NEK5: variants seen among roughly 807,000 people sequenced by gnomAD.
The protein encoded by NEK5 is serine/threonine-protein kinase Nek5.
In NEK5, 88 loss-of-function variants were observed where a neutral mutation model predicts 109.2. The ratio of observed to expected loss-of-function variants is 0.81; its 90% CI spans 0.68 to 0.96. The LOEUF (loss-of-function observed/expected upper bound fraction) is 0.96. NEK5 is among the 40% of genes least tolerant of loss of function. The probability of loss-of-function intolerance (pLI) is 0.00; values close to 1 mark genes in which losing one functional copy is unlikely to be tolerated. For synonymous variants in NEK5, 283 were observed against 299.9 expected (o/e 0.94, Z 0.58); for missense variants, 834 against 920.7 (o/e 0.91, Z 1.22).
At chr13:52,044,212 C>A (rs192906234) in intron 23 of NEK5, among the ~76,000 whole-genome samples, 2 of 152,334 alleles carry the variant, frequency 1.3e-5, no homozygotes, top group Admixed American at 1.3e-4. Context: ...GCTCTCCTCT[C>A]TCCTCAGCCT....
At chr13:52,074,226 C>T (rs959745669) in intron 19 of NEK5, among the ~76,000 whole-genome samples, 3 of 152,142 alleles carry the variant, frequency 2.0e-5, no homozygotes, top group Non-Finnish European at 4.4e-5. Flanking sequence ...TACCCAACTT[C>T]AAACTATACC....
Position 52,076,115 on chromosome 13 carries a change from C to T in NEK5, c.1601G>A (p.Arg534Lys), listed in dbSNP as rs1954864786. 6.3e-7 allele frequency: 1 copy of T among 1,597,962 alleles called. No homozygotes were observed. Among genetic ancestry groups the T allele is most frequent in the Non-Finnish European group, 8.5e-7 (1 of 1,169,622 alleles). The part of the protein sequence containing the change: ...QDIEKDLKQM[R>K]LQNTKESKNP... ...TTTACTTTCCTTTGTGTTCTGAAGC[C>T]TCATTTGTTTCAAGTCTTTTTCAAT... The change falls in exon 18 of 24, where the codon AGG (arginine) becomes AAG (lysine). Residue 534 changes from arginine to lysine, a missense_variant. Arg to Lys is a conservative substitution (Grantham distance 26). Coordinates refer to ENST00000684899, the MANE Select transcript of NEK5 (RefSeq NM_001365552.1).
chr13:52,090,943 G>A (rs1415761017), intron 13 of NEK5, among the ~76,000 whole-genome samples: 2 of 151,970 alleles, frequency 1.3e-5, no homozygotes, highest in Non-Finnish European at 2.9e-5. Flanking sequence ...GGAGAATGGT[G>A]TGAACCCAGG....
At chr13:52,118,967 C>T (rs73500160) in intron 4 of NEK5, among the ~76,000 whole-genome samples, 14,895 of 152,194 alleles carry the variant, frequency 0.098, 704 homozygotes, top group Admixed American at 0.12. Flanking sequence ...CTCAAGACCC[C>T]AGCCCACCAC....
rs745884177 is a variant in NEK5 at position 52,086,285 on chromosome 13, C to A, written c.1471G>T (p.Glu491Ter). ...MKEIRKKMGREPEENSKISHK... is the reference protein window; with the variant it reads ...MKEIRKKMGR ...TAGAAGAATGAATTTACCTCTGGTT[C>A]TCTCCCCATCTTCTTTCTAATTTCT... The change falls in exon 16 of 24, where the codon GAA (glutamate) becomes TAA (stop). Residue 491 changes from glutamate to a stop codon, truncating the protein, a stop_gained. Transcript: ENST00000684899. LOFTEE classifies it high-confidence loss of function. 1 of 1,595,050 alleles carries A rather than the reference C, an allele frequency of 6.3e-7. No individual in the cohort carries two copies. Among genetic ancestry groups the A allele is most frequent in the African/African-American group, 1.3e-5 (1 of 74,514 alleles).
intron 23 of NEK5, among the ~76,000 whole-genome samples, chr13:52,049,090 C>T (rs549705514): frequency 6.6e-6 from 1 of 151,950 alleles, no homozygotes; most frequent in African/African-American, 2.4e-5. Flanking sequence ...TGTTGTATAC[C>T]GTAAGTATAT....
intron 23 of NEK5, among the ~76,000 whole-genome samples, chr13:52,038,825 G>GAAAAAAAAA (rs1183060212): frequency 2.1e-5 from 2 of 94,566 alleles, no homozygotes; most frequent in Non-Finnish European, 4.0e-5. Context: ...ACACTCATCT[G>GAAAAAAAAA]AAAAAAAAAA....
intron 3 of NEK5, among the ~76,000 whole-genome samples, chr13:52,126,605 C>G (rs1956067432): frequency 6.6e-6 from 1 of 152,094 alleles, no homozygotes; most frequent in African/African-American, 2.4e-5. Context: ...TGGTGAAACT[C>G]CATCTCTACT....
Position 52,076,103 on chromosome 13 carries a change from G to A in NEK5, c.1613C>T (p.Thr538Ile). The A allele has an allele frequency of 6.3e-7, 1 of 1,599,652 alleles. No individual in the cohort carries two copies. The highest frequency in any genetic ancestry group is 8.5e-7 in the Non-Finnish European group (1 of 1,171,210). ...CTGTTCTGGATTTTTACTTTCCTTTGTGTTCTGAAGCCTCATTTGTTTCAA... is the reference window on the plus strand; with the variant it reads ...CTGTTCTGGATTTTTACTTTCCTTTATGTTCTGAAGCCTCATTTGTTTCAA... The part of the protein sequence containing the change: ...KDLKQMRLQN[T>I]KESKNPEQKY... The change falls in exon 18 of 24, where the codon ACA becomes ATA. Residue 538 changes from threonine to isoleucine, a missense_variant. Thr to Ile is a moderately conservative substitution (Grantham distance 89). Transcript: ENST00000684899.
intron 12 of NEK5, among the ~76,000 whole-genome samples, chr13:52,094,066 A>G (rs916958303): frequency 6.6e-6 from 1 of 152,234 alleles, no homozygotes; most frequent in African/African-American, 2.4e-5. Flanking sequence ...AAGGTCATAT[A>G]ACAGCCATGA....
chr13:52,080,315 G>A (rs1215048706), intron 17 of NEK5, among the ~76,000 whole-genome samples: 1 of 150,270 alleles, frequency 6.7e-6, no homozygotes, highest in Non-Finnish European at 1.5e-5. Context: ...CGGGAGGTGA[G>A]GGGCGCCTCT....
At chr13:52,063,965 G>A (rs1400587898) in intron 21 of NEK5, among the ~76,000 whole-genome samples, 14 of 143,582 alleles carry the variant, frequency 9.8e-5, no homozygotes, top group South Asian at 2.3e-4. Context: ...TCAGCCCCCC[G>A]CCCAGCCAGC....
Position 52,106,194 on chromosome 13 carries a change from T to C in NEK5, c.555-1642A>G, listed in dbSNP as rs1267263976. ...GGGGATGTCTCAAAAAAAAAAAAAA[T>C]CCCTGTTATTTTATTATGCAGAGAA... is the stretch of plus-strand genomic sequence containing the variant. On this transcript the variant is annotated intron_variant, in intron 8 of 23. Transcript: ENST00000684899. Among the ~76,000 whole-genome samples, 3 of 149,350 alleles carry C rather than the reference T, an allele frequency of 2.0e-5. No individual in the cohort carries two copies. In the Admixed American group the frequency reaches 2.0e-4, roughly 10 times the overall value.
chr13:52,101,782 C>G (rs1955537641), intron 11 of NEK5, 151 bp downstream of exon 11: 1 of 662,312 alleles, frequency 1.5e-6, no homozygotes, highest in South Asian at 1.8e-5. Context: ...TCACTAGTTG[C>G]CATTTGACAA....
chr13:52,088,045 A>T (rs888295915), intron 14 of NEK5, among the ~76,000 whole-genome samples: 1 of 151,490 alleles, frequency 6.6e-6, no homozygotes, highest in African/African-American at 2.4e-5. Flanking sequence ...CTCCGGCCTC[A>T]GCCCCCTCAG....
intron 22 of NEK5, among the ~76,000 whole-genome samples, chr13:52,054,309 T>G (rs1249551716): frequency 6.6e-6 from 1 of 152,170 alleles, no homozygotes; most frequent in Non-Finnish European, 1.5e-5. Flanking sequence ...ATAAATGTAA[T>G]GAAATAAGAG....
chr13:52,075,493 G>T (rs973456880), intron 19 of NEK5, among the ~76,000 whole-genome samples: 1 of 152,114 alleles, frequency 6.6e-6, no homozygotes, highest in Non-Finnish European at 1.5e-5. Context: ...TACTACAGTG[G>T]GGGTAAGAAA....
At chr13:52,114,333 G>A (rs2138082762) in intron 4 of NEK5, among the ~76,000 whole-genome samples, 1 of 152,298 alleles carries the variant, frequency 6.6e-6, no homozygotes. Flanking sequence ...CCCATTAAAT[G>A]CCAAAATCTC....
At chr13:52,090,832 T>C (rs1955265502) in intron 13 of NEK5, among the ~76,000 whole-genome samples, 1 of 152,122 alleles carries the variant, frequency 6.6e-6, no homozygotes, top group Admixed American at 6.5e-5. Flanking sequence ...GAGACCCTCC[T>C]GGCTGACACA....
Sources: gnomAD v4.1 joint callset for allele counts (sites outside exome capture counted in the v4.1 genomes callset) on GRCh38, gnomAD v4.1.1 for gene constraint, MANE v1.5 for transcripts, NCBI Gene and HGNC (gene_info 2026-07-23, HGNC 2026-07-21) for gene names.